USP14: variants seen among roughly 807,000 people sequenced by gnomAD.
USP14 encodes ubiquitin carboxyl-terminal hydrolase 14.
USP14 carries 38 observed loss-of-function variants against 76.5 expected under a neutral mutation model. That is an observed-to-expected ratio of 0.50 (90% CI 0.38 to 0.65). USP14 has a LOEUF of 0.65. Ranked by LOEUF, USP14 falls within the 30% of genes least tolerant of loss-of-function variation. The pLI, the probability that USP14 is intolerant of heterozygous loss-of-function variation, is 0.00. For synonymous variants in USP14, 192 were observed against 191.7 expected (o/e 1.00, Z -0.01); for missense variants, 467 against 586.5 (o/e 0.80, Z 2.10).
chr18:175,389 T>G (rs756907915), intron 3 of USP14, among the ~76,000 whole-genome samples: 16 of 152,196 alleles, frequency 1.1e-4, no homozygotes, highest in Non-Finnish European at 1.9e-4. Context: ...GGTGGTAGTT[T>G]ATAGATGTTC....
chr18:182,796 A>C lies in USP14; in HGVS notation c.404+2457A>C, dbSNP rs1471820487. Reference sequence around the variant, plus strand: ...GGGAAGTGTGAGAGTGGACTGGAGGAAAGAGTTTTTAAGCAACAGTCTGGA... The same window carrying C: ...GGGAAGTGTGAGAGTGGACTGGAGGCAAGAGTTTTTAAGCAACAGTCTGGA... On this transcript the variant is annotated intron_variant, in intron 5 of 15. Transcript: ENST00000261601. 2.0e-5 allele frequency among the ~76,000 whole-genome samples: 3 copies of C among 152,142 alleles called. No homozygotes were observed. In the East Asian group the frequency reaches 5.8e-4, roughly 29 times the overall value.
intron 5 of USP14, among the ~76,000 whole-genome samples, chr18:180,562 C>T (rs1196432567): frequency 6.6e-6 from 1 of 152,218 alleles, no homozygotes; most frequent in Non-Finnish European, 1.5e-5. Context: ...GTGTCGTACT[C>T]ACTGGCAGTC....
intron 5 of USP14, among the ~76,000 whole-genome samples, chr18:185,075 G>A (rs1909890843): frequency 6.6e-6 from 1 of 152,078 alleles, no homozygotes; most frequent in Non-Finnish European, 1.5e-5. Context: ...CTGTTGTATT[G>A]GAGACTGGCA....
intron 13 of USP14, among the ~76,000 whole-genome samples, chr18:207,807 T>C (rs1598280699): frequency 6.6e-6 from 1 of 152,378 alleles, no homozygotes; most frequent in South Asian, 2.1e-4. Context: ...TTTGGTTAAA[T>C]TTATTCCTAA....
chr18:166,354 A>G (rs1357123255), intron 2 of USP14, among the ~76,000 whole-genome samples: 3 of 151,896 alleles, frequency 2.0e-5, no homozygotes, highest in South Asian at 4.2e-4. Context: ...TTTTTTTGAG[A>G]TGGAGCCTTG....
chr18:186,501 C>G (rs754593250), intron 5 of USP14, among the ~76,000 whole-genome samples: 33 of 151,738 alleles, frequency 2.2e-4, no homozygotes, highest in Non-Finnish European at 4.6e-4. Context: ...GCTTGTAATC[C>G]CAGCACTTTG....
At position 211,390 on chromosome 18, in the gene USP14, A is replaced by G; in HGVS notation, c.*106A>G. The stretch of plus-strand genomic sequence containing the variant: ...AGACACATAGGTGGGTTTATGTTTC[A>G]CCTCATTTGGAACAAAAGAGGACAG... On this transcript the variant is annotated 3_prime_UTR_variant, in exon 16 of 16. Coordinates refer to ENST00000261601, the MANE Select transcript of USP14 (RefSeq NM_005151.4). The G allele has an allele frequency of 8.0e-7, 1 of 1,248,736 alleles. No homozygotes were observed. Among genetic ancestry groups the G allele is most frequent in the Non-Finnish European group, 1.1e-6 (1 of 916,448 alleles). 77.4% of individuals were successfully genotyped at this position (1,248,736 alleles called of 1,614,324 possible). A position where few individuals can be genotyped will look rare whatever the true frequency, so the allele number is the denominator to read the frequency against.
At chr18:191,072 C>T (rs992414414) in intron 5 of USP14, among the ~76,000 whole-genome samples, 1 of 151,992 alleles carries the variant, frequency 6.6e-6, no homozygotes. Context: ...GTAACAGCAG[C>T]GATTATATAG....
chr18:191,803 T>G (rs1039703375), intron 5 of USP14, among the ~76,000 whole-genome samples: 4 of 152,164 alleles, frequency 2.6e-5, no homozygotes, highest in African/African-American at 9.7e-5. Flanking sequence ...TTTTTTAAAT[T>G]TTGATTTTAG....
intron 5 of USP14, among the ~76,000 whole-genome samples, chr18:187,909 TG>T (rs1415259002): frequency 6.6e-6 from 1 of 152,202 alleles, no homozygotes; most frequent in Non-Finnish European, 1.5e-5. Flanking sequence ...GATATATTTA[TG>T]AGGAAATAAG....
At chr18:161,816 A>G (rs1329570430) in intron 1 of USP14, among the ~76,000 whole-genome samples, 5 of 152,200 alleles carry the variant, frequency 3.3e-5, no homozygotes, top group Admixed American at 1.3e-4. Context: ...TTAAAAATAT[A>G]TATTTCAAAA....
At chr18:191,960 A>G (rs1910100722) in intron 5 of USP14, among the ~76,000 whole-genome samples, 1 of 150,938 alleles carries the variant, frequency 6.6e-6, no homozygotes, top group Non-Finnish European at 1.5e-5. Context: ...TATGGTTTGA[A>G]TAGTCATTTG....
intron 1 of USP14, among the ~76,000 whole-genome samples, chr18:162,140 G>A (rs1909138294): frequency 6.6e-6 from 1 of 152,098 alleles, no homozygotes; most frequent in South Asian, 2.1e-4. Context: ...TCCATTAATT[G>A]GTTGATGGAC....
intron 9 of USP14, among the ~76,000 whole-genome samples, chr18:198,393 C>G (rs904242068): frequency 1.3e-5 from 2 of 152,166 alleles, no homozygotes; most frequent in African/African-American, 4.8e-5. Flanking sequence ...TGCCACCATA[C>G]CCAGCTAATT....
chr18:197,721 T>C (rs1207882742), intron 8 of USP14, 25 bp downstream of exon 8: 8 of 1,572,378 alleles, frequency 5.1e-6, no homozygotes, highest in Non-Finnish European at 8.7e-7. Flanking sequence ...TTTGTGATTA[T>C]AGACTTTCGT....
intron 3 of USP14, among the ~76,000 whole-genome samples, chr18:174,189 T>A (rs1909557386): frequency 6.6e-6 from 1 of 152,160 alleles, no homozygotes; most frequent in Non-Finnish European, 1.5e-5. Context: ...TGGTAAACCT[T>A]TCCTTTATTT....
At chr18:197,453 A>G (rs558822142) in intron 7 of USP14, among the ~76,000 whole-genome samples, 163 bp from the exon 8 acceptor site, 14 of 152,230 alleles carry the variant, frequency 9.2e-5, no homozygotes, top group Admixed American at 3.9e-4. Context: ...TGAATAAGCT[A>G]TTCTAGAATG....
At chr18:194,984 C>G (rs1393577801) in intron 6 of USP14, among the ~76,000 whole-genome samples, 1 of 151,950 alleles carries the variant, frequency 6.6e-6, no homozygotes, top group African/African-American at 2.4e-5. Context: ...CCCTAAAATA[C>G]AGTCTTTATT....
chr18:214,006 T>TTGA lies in USP14; in HGVS notation c.*2724_*2726dup, dbSNP rs1598283502. 2 of 129,420 alleles carry TTGA rather than the reference T, an allele frequency of 1.5e-5. No individual in the cohort carries two copies. The highest frequency in any genetic ancestry group is 2.6e-4 in the South Asian group (1 of 3,798). The allele number at this position is 129,420 out of a possible 1,614,324, so 8.0% of individuals were successfully genotyped here. A position where few individuals can be genotyped will look rare whatever the true frequency, so the allele number is the denominator to read the frequency against. On this transcript the variant is annotated 3_prime_UTR_variant, in exon 16 of 16. Transcript: ENST00000261601. ...AGATAGATAGATAGATAGATGATGA[T>TTGA]TGATTGATGATTGATAGTAAATTAT...
Sources: allele counts gnomAD v4.1 joint callset (sites outside exome capture counted in the v4.1 genomes callset), GRCh38; gene constraint gnomAD v4.1.1; transcripts MANE v1.5; gene names NCBI Gene and HGNC (gene_info 2026-07-23, HGNC 2026-07-21).